The following ITGA1 variants were observed in gnomAD, a reference collection of about 807,000 sequenced individuals.
ITGA1 encodes the protein integrin subunit alpha 1, also known as integrin alpha-1.
A neutral mutation model predicts 145.9 loss-of-function variants in ITGA1; 85 were observed. That is an observed-to-expected ratio of 0.58 (90% CI 0.49 to 0.70). ITGA1 has a LOEUF of 0.70. Among genes scored for constraint, ITGA1 ranks in the 30% least tolerant of loss-of-function variants. The pLI is 0.00. For synonymous variants in ITGA1, 520 were observed against 495.3 expected (o/e 1.05, Z -0.66); for missense variants, 1,351 against 1,418.7 (o/e 0.95, Z 0.77).
chr5:52,911,330 T>C (rs899732210), intron 14 of ITGA1, among the ~76,000 whole-genome samples: 16 of 134,086 alleles, frequency 1.2e-4, no homozygotes, highest in African/African-American at 1.9e-4. Flanking sequence ...ATAGTGTATA[T>C]AGTGTATATA....
intron 28 of ITGA1, among the ~76,000 whole-genome samples, chr5:52,949,245 A>G (rs769406069): frequency 4.1e-4 from 63 of 152,214 alleles, no homozygotes; most frequent in Non-Finnish European, 7.5e-4. Context: ...TTCTGCTTTA[A>G]GCATTCCCAC....
At chr5:52,911,529 A>AG (rs1332740619) in intron 14 of ITGA1, among the ~76,000 whole-genome samples, 3 of 121,386 alleles carry the variant, frequency 2.5e-5, no homozygotes, top group Admixed American at 8.9e-5. Flanking sequence ...ATATATATCT[A>AG]TATATTAGAT....
At chr5:52,891,506 T>C (rs1195865470) in intron 8 of ITGA1, among the ~76,000 whole-genome samples, 1 of 150,796 alleles carries the variant, frequency 6.6e-6, no homozygotes, top group Admixed American at 6.6e-5. Context: ...TTTATAGACA[T>C]TTTGCTTGTG....
chr5:52,933,795 A>AT (rs1579727752), intron 22 of ITGA1, 99 bp from the exon 23 acceptor site: 1 of 474,832 alleles, frequency 2.1e-6, no homozygotes, highest in African/African-American at 2.0e-5. Context: ...CCCTACAAGT[A>AT]TTTTTGTGGA....
At chr5:52,809,040 A>T (rs1486687768) in intron 1 of ITGA1, among the ~76,000 whole-genome samples, 2 of 152,174 alleles carry the variant, frequency 1.3e-5, no homozygotes, top group African/African-American at 4.8e-5. Context: ...TCTTGTGGCA[A>T]GGCAGTTTTT....
Position 52,905,801 on chromosome 5 carries a change from G to A in ITGA1, c.1348G>A (p.Val450Met). ...CTCTGCTACTGCTTCTTCTGGAGAT[G>A]TGCTCTATATTGCTGGACAGCCTCG... ...VNSATASSGD[V>M]LYIAGQPRYN... Residue 450 changes from valine (V) to methionine (M), a missense_variant, in exon 12 of 29, where the codon GTG becomes ATG. Physicochemically the swap from Val to Met is conservative, Grantham distance 21. Transcript: ENST00000282588. 1 of 1,613,552 alleles carries A rather than the reference G, an allele frequency of 6.2e-7. No individual in the cohort carries two copies. Among genetic ancestry groups the A allele is most frequent in the Non-Finnish European group, 8.5e-7 (1 of 1,179,682 alleles).
At chr5:52,920,248 T>TG (rs1750710960) in intron 16 of ITGA1, 84 bp from the exon 17 acceptor site, 1 of 1,068,246 alleles carries the variant, frequency 9.4e-7, no homozygotes. Context: ...GAGATTTTTC[T>TG]ATAATGCTAA....
In ITGA1 at chr5:52,797,591, G is replaced by C. The variant is rs1580024304; in HGVS notation, c.61+9177G>C. Among the ~76,000 whole-genome samples, 3 of 152,084 alleles carry C rather than the reference G, an allele frequency of 2.0e-5. No homozygotes were observed. The East Asian group carries it at 5.8e-4, about 29-fold the overall frequency. Reference sequence around the variant, plus strand: ...CAAGCTGTGAGTTTTTGTTTAGCTGGTAAAGGTGACAGTTGAGGGGAAGTG... The same window carrying C: ...CAAGCTGTGAGTTTTTGTTTAGCTGCTAAAGGTGACAGTTGAGGGGAAGTG... On this transcript the variant is annotated intron_variant, in intron 1 of 28. Coordinates refer to ENST00000282588, the MANE Select transcript of ITGA1 (RefSeq NM_181501.2).
At chr5:52,877,693 G>A (rs1298880662) in intron 6 of ITGA1, among the ~76,000 whole-genome samples, 6 of 152,236 alleles carry the variant, frequency 3.9e-5, no homozygotes, top group Admixed American at 2.6e-4. Flanking sequence ...CCTGGCAGGA[G>A]CAGTCACGGA....
At chr5:52,907,265 G>C (rs1459847153) in intron 12 of ITGA1, among the ~76,000 whole-genome samples, 1 of 152,100 alleles carries the variant, frequency 6.6e-6, no homozygotes, top group Non-Finnish European at 1.5e-5. Flanking sequence ...ATAACAGTTA[G>C]AAAAAGGCTA....
chr5:52,892,137 G>A (rs1183316870), intron 8 of ITGA1, among the ~76,000 whole-genome samples: 2 of 152,076 alleles, frequency 1.3e-5, no homozygotes, highest in African/African-American at 2.4e-5. Flanking sequence ...ACATTTAAGG[G>A]AAAATAAACA....
At chr5:52,828,362 A>G (rs1202065512) in intron 1 of ITGA1, among the ~76,000 whole-genome samples, 1 of 152,124 alleles carries the variant, frequency 6.6e-6, no homozygotes, top group Non-Finnish European at 1.5e-5. Context: ...ACTGGCTGTG[A>G]AGTGATATCC....
intron 6 of ITGA1, among the ~76,000 whole-genome samples, chr5:52,868,021 C>T (rs1749715655): frequency 6.6e-6 from 1 of 152,074 alleles, no homozygotes; most frequent in South Asian, 2.1e-4. Context: ...GACTCACTGC[C>T]TGGACTAATA....
At chr5:52,791,091 C>A (rs898260176) in intron 1 of ITGA1, among the ~76,000 whole-genome samples, 21 of 152,182 alleles carry the variant, frequency 1.4e-4, no homozygotes, top group African/African-American at 5.1e-4. Context: ...ATATTAGCTC[C>A]TTACAACGTT....
At chr5:52,806,406 A>G (rs12188956) in intron 1 of ITGA1, among the ~76,000 whole-genome samples, 38,875 of 151,826 alleles carry the variant, frequency 0.26, 5,339 homozygotes, top group Non-Finnish European at 0.3. Flanking sequence ...GAGTTGCTAA[A>G]TATGGTCATC....
Position 52,953,681 on chromosome 5 carries a change from T to G in ITGA1, c.*1230T>G, listed in dbSNP as rs924224851. 1.3e-5 allele frequency: 2 copies of G among 152,244 alleles called. No homozygotes were observed. The highest frequency in any genetic ancestry group is 1.5e-5 in the Non-Finnish European group (1 of 68,048). The allele number at this position is 152,244 out of a possible 1,614,324, so 9.4% of individuals were successfully genotyped here. The stretch of plus-strand genomic sequence containing the variant: ...CACCTTTGTATGTGCTTCTTTGTTC[T>G]TGAAGTAGTCATTATGGTTCATTGG... On this transcript the variant is annotated 3_prime_UTR_variant, in exon 29 of 29. Coordinates refer to ENST00000282588, the MANE Select transcript of ITGA1 (RefSeq NM_181501.2).
chr5:52,840,444 T>G (rs1190981948), intron 1 of ITGA1, among the ~76,000 whole-genome samples: 1 of 152,198 alleles, frequency 6.6e-6, no homozygotes, highest in Non-Finnish European at 1.5e-5. Context: ...GAGTTGTGTT[T>G]CCCACAGTGG....
chr5:52,909,661 C>T (rs1479053366), intron 13 of ITGA1, among the ~76,000 whole-genome samples: 1 of 151,626 alleles, frequency 6.6e-6, no homozygotes, highest in Non-Finnish European at 1.5e-5. Flanking sequence ...GTCTTTCTTC[C>T]TATCATTTTT....
chr5:52,873,046 TTA>T (rs1418495654), intron 6 of ITGA1, among the ~76,000 whole-genome samples: 4 of 152,208 alleles, frequency 2.6e-5, no homozygotes, highest in Non-Finnish European at 4.4e-5. Context: ...GTCTAGGGTT[TTA>T]TGTTTCCTAG....
Sources: allele counts gnomAD v4.1 joint callset (sites outside exome capture counted in the v4.1 genomes callset), GRCh38; gene constraint gnomAD v4.1.1; transcripts MANE v1.5; gene names NCBI Gene and HGNC (gene_info 2026-07-23, HGNC 2026-07-21).